The following DLGAP2 variants were observed in gnomAD, a reference collection of about 807,000 sequenced individuals.
DLGAP2 encodes the protein DLG associated protein 2, also known as disks large-associated protein 2.
A neutral mutation model predicts 100.3 loss-of-function variants in DLGAP2; 26 were observed. That is an observed-to-expected ratio of 0.26 (90% CI 0.19 to 0.36). The LOEUF (loss-of-function observed/expected upper bound fraction) is 0.36. Among genes scored for constraint, DLGAP2 ranks in the 10% least tolerant of loss-of-function variants. The pLI, the probability that DLGAP2 is intolerant of heterozygous loss-of-function variation, is 1.00. For missense variants in DLGAP2, 1,858 were observed against 1,453.2 expected (o/e 1.28, Z -4.53); for synonymous variants, 886 against 630.1 (o/e 1.41, Z -6.08).
chr8:1,166,294 G>A (rs550312103), intron 2 of DLGAP2, among the ~76,000 whole-genome samples: 6 of 152,108 alleles, frequency 3.9e-5, no homozygotes, highest in Admixed American at 2.0e-4. Context: ...GCACCACCCC[G>A]TGCTTCCTTA....
At chr8:772,371 G>A (rs987920999) in intron 1 of DLGAP2, among the ~76,000 whole-genome samples, 3 of 152,100 alleles carry the variant, frequency 2.0e-5, no homozygotes, top group South Asian at 2.1e-4. Flanking sequence ...TGCCGAGGCT[G>A]GAGTGCAGTG....
intron 2 of DLGAP2, among the ~76,000 whole-genome samples, chr8:1,211,318 A>C (rs532163055): frequency 6.6e-6 from 1 of 152,218 alleles, no homozygotes; most frequent in Non-Finnish European, 1.5e-5. Flanking sequence ...GGAGCCTGTG[A>C]GGGCTTTTGC....
chr8:777,253 T>C (rs1305761443), intron 1 of DLGAP2, among the ~76,000 whole-genome samples: 42 of 147,990 alleles, frequency 2.8e-4, no homozygotes, highest in African/African-American at 9.7e-4. Flanking sequence ...TCTCTGCACG[T>C]GAGATGGGTT....
chr8:1,007,451 T>G, intron 2 of DLGAP2, among the ~76,000 whole-genome samples: 1 of 152,324 alleles, frequency 6.6e-6, no homozygotes, highest in East Asian at 1.9e-4. Context: ...ACCAAGCCCT[T>G]CAGGCAAGAG....
chr8:813,854 C>G (rs1796415559), intron 1 of DLGAP2, among the ~76,000 whole-genome samples: 2 of 152,166 alleles, frequency 1.3e-5, no homozygotes, highest in South Asian at 2.1e-4. Flanking sequence ...ACCTGCCTCT[C>G]AATGTTCTTC....
Position 1,066,716 on chromosome 8 carries a change from C to T in DLGAP2, c.73+158750C>T, listed in dbSNP as rs527608127. Among the ~76,000 whole-genome samples the T allele has an allele frequency of 1.4e-4, 22 of 152,342 alleles. No homozygotes were observed. The South Asian group carries it at 4.6e-3, about 32-fold the overall frequency. On this transcript the variant is annotated intron_variant, in intron 2 of 14. Coordinates refer to ENST00000637795, the MANE Select transcript of DLGAP2 (RefSeq NM_001346810.2). Reference sequence around the variant, plus strand: ...TCAAGTCTGAGTGAGGAGGGCAGCTCCACCACGACTGGCCTGTCTTTGTCC... The same window carrying T: ...TCAAGTCTGAGTGAGGAGGGCAGCTTCACCACGACTGGCCTGTCTTTGTCC...
At chr8:1,575,907 G>A (rs930689163) in intron 6 of DLGAP2, among the ~76,000 whole-genome samples, 2 of 152,006 alleles carry the variant, frequency 1.3e-5, no homozygotes, top group African/African-American at 4.8e-5. Context: ...TTGCTATTGT[G>A]AATAGTGCTG....
chr8:1,094,643 A>T (rs1012275408), intron 2 of DLGAP2, among the ~76,000 whole-genome samples: 3 of 152,078 alleles, frequency 2.0e-5, no homozygotes, highest in Non-Finnish European at 4.4e-5. Context: ...TTCTTTAGGG[A>T]TTTACCCGAA....
At chr8:1,209,128 C>T (rs546879412) in intron 2 of DLGAP2, among the ~76,000 whole-genome samples, 8 of 152,180 alleles carry the variant, frequency 5.3e-5, no homozygotes, top group Admixed American at 1.3e-4. Context: ...CATCATCATT[C>T]TTCACAGAAG....
chr8:1,245,606 G>A (rs1250714349), intron 2 of DLGAP2, among the ~76,000 whole-genome samples: 5 of 152,322 alleles, frequency 3.3e-5, no homozygotes, highest in African/African-American at 9.6e-5. Flanking sequence ...GTTAACTGCC[G>A]AAGGGCATGG....
chr8:1,265,048 C>T (rs1203731469), intron 3 of DLGAP2, among the ~76,000 whole-genome samples: 1 of 152,134 alleles, frequency 6.6e-6, no homozygotes, highest in Non-Finnish European at 1.5e-5. Flanking sequence ...TCCATTAAAC[C>T]TCTTTTTAAA....
chr8:1,210,858 C>T (rs983157750), intron 2 of DLGAP2, among the ~76,000 whole-genome samples: 2 of 152,152 alleles, frequency 1.3e-5, no homozygotes, highest in African/African-American at 2.4e-5. Context: ...CCCTGTAGTT[C>T]CCCCTCCCTC....
chr8:884,835 C>T (rs1198715191), intron 1 of DLGAP2, among the ~76,000 whole-genome samples: 1 of 151,960 alleles, frequency 6.6e-6, no homozygotes, highest in Non-Finnish European at 1.5e-5. Flanking sequence ...GTCCATTGTC[C>T]GTTTTCTGCA....
At chr8:1,649,384 T>C (rs1279090164) in intron 8 of DLGAP2, among the ~76,000 whole-genome samples, 4 of 152,172 alleles carry the variant, frequency 2.6e-5, no homozygotes, top group Non-Finnish European at 5.9e-5. Context: ...GTCATTGCTA[T>C]TTATATTGTC....
intron 1 of DLGAP2, among the ~76,000 whole-genome samples, chr8:850,306 C>G (rs894365598): frequency 2.0e-5 from 3 of 152,098 alleles, no homozygotes; most frequent in Admixed American, 1.3e-4. Flanking sequence ...GAGTTTATCT[C>G]AAAGCAATTT....
chr8:1,065,617 C>T lies in DLGAP2; in HGVS notation c.73+157651C>T, dbSNP rs141764673. Among the ~76,000 whole-genome samples, 377 of 152,282 alleles carry T rather than the reference C, an allele frequency of 2.5e-3. 1 individual carries two copies. Among genetic ancestry groups the T allele is most frequent in the African/African-American group, 8.1e-3 (338 of 41,552 alleles). On this transcript the variant is annotated intron_variant, in intron 2 of 14. Transcript: ENST00000637795. Reference sequence around the variant, plus strand: ...AATTATGAAATGTTTAAAAGATGCCCGTGTGCTTCCTTTCTTATGGGATCA... The same window carrying T: ...AATTATGAAATGTTTAAAAGATGCCTGTGTGCTTCCTTTCTTATGGGATCA...
At chr8:1,512,975 G>A (rs999669935) in intron 4 of DLGAP2, among the ~76,000 whole-genome samples, 2 of 149,132 alleles carry the variant, frequency 1.3e-5, no homozygotes, top group African/African-American at 5.0e-5. Flanking sequence ...CACAGGCCAG[G>A]CCCTGGGAGG....
At chr8:861,841 C>G (rs994227690) in intron 1 of DLGAP2, among the ~76,000 whole-genome samples, 2 of 152,142 alleles carry the variant, frequency 1.3e-5, no homozygotes, top group Admixed American at 6.6e-5. Context: ...GCTGTTTTTG[C>G]CAAGGCTTTA....
intron 2 of DLGAP2, among the ~76,000 whole-genome samples, chr8:1,193,231 C>T (rs1009328214): frequency 4.6e-5 from 7 of 152,120 alleles, no homozygotes; most frequent in African/African-American, 1.4e-4. Context: ...AGTTCTAGAT[C>T]CTTGAGGAAT....
Sources: allele counts gnomAD v4.1 joint callset (sites outside exome capture counted in the v4.1 genomes callset), GRCh38; gene constraint gnomAD v4.1.1; transcripts MANE v1.5; gene names NCBI Gene and HGNC (gene_info 2026-07-23, HGNC 2026-07-21).